The following SIPA1L1 variants were observed in gnomAD, a reference collection of about 807,000 sequenced individuals.
SIPA1L1 encodes the protein signal-induced proliferation-associated 1-like protein 1.
A neutral mutation model predicts 162.7 loss-of-function variants in SIPA1L1; 26 were observed. That is an observed-to-expected ratio of 0.16 (90% confidence interval 0.12 to 0.22). SIPA1L1 has a LOEUF of 0.22. Ranked by LOEUF, SIPA1L1 falls within the 10% of genes least tolerant of loss-of-function variation. The pLI is 1.00. For synonymous variants in SIPA1L1, 829 were observed against 837.4 expected, an observed-to-expected ratio of 0.99 and a Z score of 0.17; for missense variants, 1,874 against 2,241.0, an observed-to-expected ratio of 0.84 and a Z score of 3.31.
intron 2 of SIPA1L1, among the ~76,000 whole-genome samples, chr14:71,425,705 C>T (rs1567007999): frequency 6.6e-6 from 1 of 151,972 alleles, no homozygotes; most frequent in Non-Finnish European, 1.5e-5. Flanking sequence ...TCTGTATATA[C>T]CTGTTAGTTC....
At chr14:71,359,954 T>C (rs1376632132) in intron 2 of SIPA1L1, among the ~76,000 whole-genome samples, 1 of 152,228 alleles carries the variant, frequency 6.6e-6, no homozygotes, top group Non-Finnish European at 1.5e-5. Context: ...AGGTTTTTGT[T>C]GTCAACATTG....
At chr14:71,658,275 TA>T in intron 8 of SIPA1L1, 57 bp from the exon 9 acceptor site, 1 of 863,284 alleles carries the variant, frequency 1.2e-6, no homozygotes, top group East Asian at 2.6e-5. Flanking sequence ...ATATTTCTCT[TA>T]AATAAATTAT....
At chr14:71,668,422 T>C (rs1388884428) in intron 10 of SIPA1L1, among the ~76,000 whole-genome samples, 2 of 152,200 alleles carry the variant, frequency 1.3e-5, no homozygotes, top group Non-Finnish European at 2.9e-5. Flanking sequence ...GAAGAATTTG[T>C]ACCAGCTGCT....
At chr14:71,375,826 C>A (rs912980009) in intron 2 of SIPA1L1, among the ~76,000 whole-genome samples, 2 of 152,070 alleles carry the variant, frequency 1.3e-5, no homozygotes, top group Non-Finnish European at 2.9e-5. Flanking sequence ...TTAGACTGAT[C>A]CTGAGCATTT....
At chr14:71,634,797 G>T (rs1384949033) in intron 7 of SIPA1L1, among the ~76,000 whole-genome samples, 1 of 151,718 alleles carries the variant, frequency 6.6e-6, no homozygotes, top group Non-Finnish European at 1.5e-5. Flanking sequence ...TTAGCCAGGC[G>T]TGGTGGCAGG....
chr14:71,615,871 C>T (rs1029597552), intron 5 of SIPA1L1, among the ~76,000 whole-genome samples: 1 of 152,116 alleles, frequency 6.6e-6, no homozygotes, highest in Non-Finnish European at 1.5e-5. Flanking sequence ...TGGTGCACAC[C>T]TGTAATCCCA....
chr14:71,492,501 A>G (rs2049362656), intron 2 of SIPA1L1, among the ~76,000 whole-genome samples: 1 of 152,172 alleles, frequency 6.6e-6, no homozygotes, highest in South Asian at 2.1e-4. Context: ...GGCAGATAGC[A>G]GTTTTCTGGA....
Position 71,707,258 on chromosome 14 carries a change from T to C in SIPA1L1, c.3765+1918T>C, listed in dbSNP as rs1458552880. 7.9e-5 allele frequency among the ~76,000 whole-genome samples: 12 copies of C among 152,150 alleles called. No individual in the cohort carries two copies. The South Asian group carries it at 2.5e-3, about 32-fold the overall frequency. On this transcript the variant is annotated intron_variant, in intron 16 of 23. Coordinates refer to ENST00000381232, the MANE Select transcript of SIPA1L1 (RefSeq NM_001386936.1). Reference sequence around the variant, plus strand: ...TATTCAGATATCTTTTAAATTCTTATTTGGGAAACTCTATAAAATGTTCTT... The same window carrying C: ...TATTCAGATATCTTTTAAATTCTTACTTGGGAAACTCTATAAAATGTTCTT...
intron 4 of SIPA1L1, among the ~76,000 whole-genome samples, chr14:71,563,596 C>T (rs1385451793): frequency 1.3e-5 from 2 of 152,216 alleles, no homozygotes; most frequent in African/African-American, 2.4e-5. Flanking sequence ...AGCTACTTCT[C>T]ATGACCTATT....
chr14:71,573,656 G>A (rs928630090), intron 4 of SIPA1L1: 6 of 456,570 alleles, frequency 1.3e-5, no homozygotes, highest in Non-Finnish European at 2.6e-5. Context: ...TCCAAATGTC[G>A]AAAGAGAGAT....
chr14:71,453,209 A>AATGACTC (rs1276083533), intron 2 of SIPA1L1, among the ~76,000 whole-genome samples: 3 of 152,224 alleles, frequency 2.0e-5, no homozygotes, highest in Non-Finnish European at 2.9e-5. Context: ...ATATGCCAAT[A>AATGACTC]ATGACTCATC....
intron 2 of SIPA1L1, among the ~76,000 whole-genome samples, chr14:71,433,240 A>G (rs935044429): frequency 2.0e-5 from 3 of 152,190 alleles, no homozygotes; most frequent in Admixed American, 6.5e-5. Flanking sequence ...CAGAGTCTCT[A>G]TTTCCTGAAT....
chr14:71,724,688 C>T lies in SIPA1L1; in HGVS notation c.4467C>T (p.Gly1489=). The part of the protein sequence containing the change: ...MDTRKRHQSD[G]NEIAHTRLRA... ...TGTCCAGGCGTCATCAGAGCGATGGCAATGAAATAGCCCACACCAGGCTGC... is the reference window on the plus strand; with the variant it reads ...TGTCCAGGCGTCATCAGAGCGATGGTAATGAAATAGCCCACACCAGGCTGC... Residue 1489 remains glycine (G), a synonymous_variant, in exon 19 of 24, where the codon GGC becomes GGT. Coordinates refer to ENST00000381232, the MANE Select transcript of SIPA1L1 (RefSeq NM_001386936.1). The T allele has an allele frequency of 6.2e-7, 1 of 1,613,396 alleles. No homozygotes were observed.
chr14:71,593,674 C>G (rs1438157120), intron 5 of SIPA1L1, among the ~76,000 whole-genome samples: 5 of 152,172 alleles, frequency 3.3e-5, no homozygotes, highest in African/African-American at 1.2e-4. Context: ...TGTGGCCCCA[C>G]AGGACTTCTT....
chr14:71,644,762 A>G (rs539735384), intron 7 of SIPA1L1, among the ~76,000 whole-genome samples: 3 of 152,180 alleles, frequency 2.0e-5, no homozygotes, highest in Non-Finnish European at 4.4e-5. Context: ...CTTAAATTCT[A>G]TTATGTCAGG....
At chr14:71,694,840 T>G (rs1015729173) in intron 13 of SIPA1L1, among the ~76,000 whole-genome samples, 3 of 152,246 alleles carry the variant, frequency 2.0e-5, no homozygotes, top group African/African-American at 7.2e-5. Flanking sequence ...GAAAAGTCTC[T>G]TGTGATCTTG....
At chr14:71,427,987 A>G (rs1039025943) in intron 2 of SIPA1L1, among the ~76,000 whole-genome samples, 1 of 151,456 alleles carries the variant, frequency 6.6e-6, no homozygotes, top group African/African-American at 2.4e-5. Context: ...AAAACTGGAC[A>G]CTTTATTTTT....
intron 4 of SIPA1L1, among the ~76,000 whole-genome samples, chr14:71,547,408 C>T (rs945836515): frequency 2.6e-5 from 4 of 151,174 alleles, no homozygotes; most frequent in African/African-American, 9.8e-5. Flanking sequence ...ATTCCGCTGC[C>T]TCAGCCTCCC....
intron 7 of SIPA1L1, among the ~76,000 whole-genome samples, chr14:71,625,001 G>A (rs1366997387): frequency 1.3e-5 from 2 of 151,850 alleles, no homozygotes; most frequent in African/African-American, 2.4e-5. Context: ...TAGCCATATT[G>A]CATCCTAGTA....
Sources: gnomAD v4.1 joint callset for allele counts (sites outside exome capture counted in the v4.1 genomes callset) on GRCh38, gnomAD v4.1.1 for gene constraint, MANE v1.5 for transcripts, NCBI Gene and HGNC (gene_info 2026-07-23, HGNC 2026-07-21) for gene names.